ESRP1: variants seen among roughly 807,000 people sequenced by gnomAD.
ESRP1 encodes epithelial splicing regulatory protein 1.
A neutral mutation model predicts 81.7 loss-of-function variants in ESRP1; 33 were observed. The observed-to-expected ratio is 0.40, with a 90% CI of 0.31 to 0.54. ESRP1 has a LOEUF of 0.54. ESRP1 is among the 20% of genes least tolerant of loss of function. ESRP1 has a pLI of 0.41. For synonymous variants in ESRP1, 320 were observed against 303.3 expected (o/e 1.06, Z -0.57); for missense variants, 672 against 833.1 (o/e 0.81, Z 2.38).
At chr8:94,667,094 T>TAA (rs1819060362) in intron 9 of ESRP1, among the ~76,000 whole-genome samples, 1 of 151,404 alleles carries the variant, frequency 6.6e-6, no homozygotes, top group Non-Finnish European at 1.5e-5. Context: ...TGTGTGTGTG[T>TAA]AATCCCAGCT....
chr8:94,680,451 G>C (rs1808829363), intron 13 of ESRP1, among the ~76,000 whole-genome samples: 1 of 151,894 alleles, frequency 6.6e-6, no homozygotes, highest in Non-Finnish European at 1.5e-5. Context: ...TTTTGAGTCG[G>C]AGTTTCGCTC....
At chr8:94,692,989 AC>A (rs1809465827) in intron 14 of ESRP1, among the ~76,000 whole-genome samples, 162 bp downstream of exon 14, 1 of 151,582 alleles carries the variant, frequency 6.6e-6, no homozygotes, top group South Asian at 2.1e-4. Flanking sequence ...CACTGTGGGG[AC>A]CAACTTCAGA....
chr8:94,694,438 T>C (rs1336964589), intron 14 of ESRP1, among the ~76,000 whole-genome samples: 1 of 152,092 alleles, frequency 6.6e-6, no homozygotes, highest in Non-Finnish European at 1.5e-5. Context: ...ACCCCGTCTG[T>C]ACTAAAAATA....
chr8:94,698,063 G>A (rs1194634604), intron 15 of ESRP1, among the ~76,000 whole-genome samples: 1 of 152,144 alleles, frequency 6.6e-6, no homozygotes, highest in African/African-American at 2.4e-5. Flanking sequence ...TTATAGGCGT[G>A]AGCCACCGTG....
intron 4 of ESRP1, among the ~76,000 whole-genome samples, chr8:94,656,935 T>TA (rs1372944177): frequency 6.6e-6 from 1 of 152,252 alleles, no homozygotes; most frequent in Non-Finnish European, 1.5e-5. Flanking sequence ...GATAACTTTT[T>TA]AAAGTAGATA....
intron 13 of ESRP1, among the ~76,000 whole-genome samples, chr8:94,690,646 A>C (rs1189012718): frequency 1.3e-5 from 2 of 152,236 alleles, no homozygotes; most frequent in Non-Finnish European, 2.9e-5. Flanking sequence ...TTAAATTTCT[A>C]GTTGTGCAAC....
At chr8:94,680,369 A>G (rs1808825474) in intron 13 of ESRP1, among the ~76,000 whole-genome samples, 1 of 152,226 alleles carries the variant, frequency 6.6e-6, no homozygotes, top group Non-Finnish European at 1.5e-5. Flanking sequence ...TATGCTGCAA[A>G]TCTGGTATGA....
At chr8:94,666,682 C>T (rs1819031931) in intron 9 of ESRP1, among the ~76,000 whole-genome samples, 1 of 152,204 alleles carries the variant, frequency 6.6e-6, no homozygotes, top group Non-Finnish European at 1.5e-5. Flanking sequence ...TCCAGTTCAT[C>T]TTTAGATAAA....
intron 4 of ESRP1, chr8:94,656,304 C>T (rs986898742): frequency 1.4e-4 from 22 of 152,226 alleles, no homozygotes; most frequent in African/African-American, 4.8e-4. Flanking sequence ...CTGCAAGCTC[C>T]GCTTCCCGGG....
chr8:94,646,388 T>C, intron 4 of ESRP1, 106 bp downstream of exon 4: 1 of 711,938 alleles, frequency 1.4e-6, no homozygotes. Flanking sequence ...ATGGATAAAA[T>C]TGGCCTATCC....
At chr8:94,656,260 C>T (rs1242804566) in intron 4 of ESRP1, 1 of 152,086 alleles carries the variant, frequency 6.6e-6, no homozygotes, top group Non-Finnish European at 1.5e-5. Context: ...CGTCTGTCGC[C>T]CAGGCTGGAG....
At position 94,643,396 on chromosome 8, in the gene ESRP1, C is replaced by A; in HGVS notation, c.355C>A (p.His119Asn). ...DGQLHVRQILHPEASKKNVLL... is the reference protein window; with the variant it reads ...DGQLHVRQILNPEASKKNVLL... The stretch of plus-strand genomic sequence containing the variant: ...GCAGCTTCATGTCAGGCAAATCCTG[C>A]ATCCTGAGGCTTCCAAGAAGGTAAG... The change falls in exon 3 of 16, where the codon CAT (histidine) becomes AAT (asparagine). Residue 119 changes from histidine to asparagine, a missense_variant. His to Asn is a moderately conservative substitution (Grantham distance 68, BLOSUM62 1). Coordinates refer to ENST00000433389, the MANE Select transcript of ESRP1 (RefSeq NM_017697.4). 1 of 1,612,902 alleles carries A rather than the reference C, an allele frequency of 6.2e-7. No homozygotes were observed. Among genetic ancestry groups the A allele is most frequent in the Non-Finnish European group, 8.5e-7 (1 of 1,178,896 alleles).
At chr8:94,695,371 T>TTTTTTTTTTTTTTTTTTTTC (rs1351009238) in intron 14 of ESRP1, among the ~76,000 whole-genome samples, 4 of 111,996 alleles carry the variant, frequency 3.6e-5, no homozygotes, top group African/African-American at 3.5e-5. Context: ...TTTTTTTTTT[T>TTTTTTTTTTTTTTTTTTTTC]TGAGACGGAG....
rs767095394 is a variant in ESRP1, at chr8:94,662,597, T to TC, written c.644+42_644+43insC. 2.8e-5 allele frequency: 41 copies of TC among 1,460,500 alleles called. No homozygotes were observed. The South Asian group carries it at 4.9e-4, about 17-fold the overall frequency. The allele number at this position is 1,460,500 out of a possible 1,614,324, so 90.5% of individuals were successfully genotyped here. A position where few individuals can be genotyped will look rare whatever the true frequency, so the allele number is the denominator to read the frequency against. ...TATTTATTTGAGCTTTTTAACTTGT[T>TC]TTTTTTTTTTGTCTGTTTGTTTGTT... On this transcript the variant is annotated intron_variant, in intron 6 of 15. Transcript: ENST00000433389.
Position 94,700,019 on chromosome 8 carries a change from A to G in ESRP1, c.*35+3058A>G, listed in dbSNP as rs1809758864. Among the ~76,000 whole-genome samples, 3 of 152,182 alleles carry G rather than the reference A, an allele frequency of 2.0e-5. No individual in the cohort carries two copies. The South Asian group carries it at 6.2e-4, about 31-fold the overall frequency. ...ATTTGAGACCCACCATAACCCTGCA[A>G]AGAGGCATCATGGGCCCATTTGACA... is the stretch of plus-strand genomic sequence containing the variant. On this transcript the variant is annotated intron_variant, in intron 15 of 15. Coordinates refer to ENST00000433389, the MANE Select transcript of ESRP1 (RefSeq NM_017697.4).
At chr8:94,658,165 G>A (rs749563882) in intron 4 of ESRP1, among the ~76,000 whole-genome samples, 2 of 152,066 alleles carry the variant, frequency 1.3e-5, no homozygotes, top group African/African-American at 2.4e-5. Flanking sequence ...CACCCACCTC[G>A]GCCTCCCAAA....
chr8:94,673,568 G>T (rs2130646891), intron 11 of ESRP1, among the ~76,000 whole-genome samples: 1 of 152,268 alleles, frequency 6.6e-6, no homozygotes, highest in Non-Finnish European at 1.5e-5. Context: ...TAAAACTAAG[G>T]CGTTCTACCT....
chr8:94,681,904 A>G (rs892382810), intron 13 of ESRP1, among the ~76,000 whole-genome samples: 1 of 152,252 alleles, frequency 6.6e-6, no homozygotes, highest in South Asian at 2.1e-4. Context: ...ACTGCACTCC[A>G]GTCTGGGTGA....
At chr8:94,671,228 C>A (rs1039389638) in intron 10 of ESRP1, among the ~76,000 whole-genome samples, 2 of 152,182 alleles carry the variant, frequency 1.3e-5, no homozygotes, top group African/African-American at 4.8e-5. Flanking sequence ...GAGTATCATG[C>A]TTTCCCTGCT....
Sources: gnomAD v4.1 joint callset for allele counts (sites outside exome capture counted in the v4.1 genomes callset) on GRCh38, gnomAD v4.1.1 for gene constraint, MANE v1.5 for transcripts, NCBI Gene and HGNC (gene_info 2026-07-23, HGNC 2026-07-21) for gene names.